EDIL3: variants seen among roughly 807,000 people sequenced by gnomAD.
EDIL3 encodes the protein EGF like and discoidin domains 3.
Under a neutral mutation model 67.4 loss-of-function variants are expected in EDIL3, and 37 were observed. The observed-to-expected ratio is 0.55, with a 90% CI of 0.42 to 0.72. The LOEUF (loss-of-function observed/expected upper bound fraction) is 0.72, where lower values mean the gene tolerates loss of function less well. Among genes scored for constraint, EDIL3 ranks in the 30% least tolerant of loss-of-function variants. The probability of loss-of-function intolerance (pLI) is 0.00; values close to 1 mark genes in which losing one functional copy is unlikely to be tolerated. For missense variants in EDIL3, 527 were observed against 586.3 expected, an observed-to-expected ratio of 0.90 and a Z score of 1.04; for synonymous variants, 195 against 196.3, an observed-to-expected ratio of 0.99 and a Z score of 0.05.
intron 5 of EDIL3, among the ~76,000 whole-genome samples, chr5:84,133,652 T>C (rs1322073501): frequency 6.6e-6 from 1 of 151,376 alleles, no homozygotes; most frequent in Non-Finnish European, 1.5e-5. Flanking sequence ...ATAAATAAAA[T>C]GAACAAGGGA....
At chr5:84,242,075 A>T (rs2112059610) in intron 2 of EDIL3, among the ~76,000 whole-genome samples, 1 of 151,106 alleles carries the variant, frequency 6.6e-6, no homozygotes, top group Non-Finnish European at 1.5e-5. Flanking sequence ...AAAAAAAAAA[A>T]AAAAAAATTA....
At chr5:84,075,857 C>T (rs1383585009) in intron 6 of EDIL3, among the ~76,000 whole-genome samples, 1 of 150,138 alleles carries the variant, frequency 6.7e-6, no homozygotes, top group Non-Finnish European at 1.5e-5. Flanking sequence ...TTATCAAAAG[C>T]CCCAAAGTAC....
chr5:84,086,823 G>C (rs1747080855), intron 6 of EDIL3, among the ~76,000 whole-genome samples: 1 of 152,134 alleles, frequency 6.6e-6, no homozygotes, highest in Admixed American at 6.5e-5. Flanking sequence ...CGCAGAAGGT[G>C]CTGATAAATC....
chr5:84,029,237 A>G (rs1745873971), intron 9 of EDIL3, among the ~76,000 whole-genome samples: 1 of 152,164 alleles, frequency 6.6e-6, no homozygotes, highest in Admixed American at 6.6e-5. Flanking sequence ...CCTGGGGGAC[A>G]GAGGGATACT....
At chr5:83,971,227 C>T (rs921112398) in intron 9 of EDIL3, among the ~76,000 whole-genome samples, 1 of 150,246 alleles carries the variant, frequency 6.7e-6, no homozygotes, top group Non-Finnish European at 1.5e-5. Flanking sequence ...ATTAATCTTA[C>T]CTTCTCTATT....
intron 1 of EDIL3, among the ~76,000 whole-genome samples, chr5:84,283,745 C>T (rs1745751136): frequency 1.3e-5 from 2 of 152,110 alleles, no homozygotes; most frequent in Non-Finnish European, 1.5e-5. Context: ...GCATATATTC[C>T]TAGTTTTCTT....
At position 84,092,673 on chromosome 5, in the gene EDIL3, A is replaced by G. The variant is rs140516883; in HGVS notation, c.651+13976T>C. 1.1e-4 allele frequency among the ~76,000 whole-genome samples: 16 copies of G among 152,344 alleles called. No homozygotes were observed. In the East Asian group the frequency reaches 3.1e-3, roughly 29 times the overall value. ...TTCTAAAATAAGTTAATCTTGGAGA[A>G]GATAATTTTACATTAACAATATTAC... On this transcript the variant is annotated intron_variant, in intron 6 of 10. Coordinates refer to ENST00000296591, the MANE Select transcript of EDIL3 (RefSeq NM_005711.5).
chr5:84,332,330 C>T (rs1020560682), intron 1 of EDIL3, among the ~76,000 whole-genome samples: 1 of 152,120 alleles, frequency 6.6e-6, no homozygotes, highest in Non-Finnish European at 1.5e-5. Context: ...TATGATAGTG[C>T]CACTGCACTC....
intron 3 of EDIL3, among the ~76,000 whole-genome samples, chr5:84,219,719 CA>C (rs35986234): frequency 0.32 from 49,331 of 151,922 alleles, 8,286 homozygotes; most frequent in East Asian, 0.46. Flanking sequence ...ACTAAGTGTT[CA>C]TCTACAGATG....
intron 1 of EDIL3, among the ~76,000 whole-genome samples, chr5:84,300,546 G>T (rs1580063868): frequency 6.6e-6 from 1 of 152,204 alleles, no homozygotes. Context: ...AACAACACTG[G>T]ATATGTTATA....
chr5:84,347,442 G>A (rs2112184662), intron 1 of EDIL3, among the ~76,000 whole-genome samples: 1 of 152,236 alleles, frequency 6.6e-6, no homozygotes, highest in East Asian at 1.9e-4. Context: ...ATAATGCTTT[G>A]TGCTCACATC....
At chr5:84,273,135 G>C (rs1374434084) in intron 1 of EDIL3, among the ~76,000 whole-genome samples, 8 of 152,100 alleles carry the variant, frequency 5.3e-5, no homozygotes, top group African/African-American at 1.9e-4. Context: ...AGAAGTCAGG[G>C]AGTAATAAGC....
rs1748111103 is a variant in EDIL3 at position 84,137,295 on chromosome 5, C to T, written c.415G>A (p.Ala139Thr). Reference protein sequence around the residue: ...KNGGICTDLVANYSCECPGEF... With the variant: ...KNGGICTDLVTNYSCECPGEF... ...CCTGGGCACTCACAGGAATAGTTAG[C>T]AACAAGATCTGTACATATTCCACCA... The change falls in exon 5 of 11, where the codon GCT (alanine) becomes ACT (threonine). Residue 139 changes from alanine to threonine, a missense_variant. Coordinates refer to ENST00000296591, the MANE Select transcript of EDIL3 (RefSeq NM_005711.5). 6.2e-7 allele frequency: 1 copy of T among 1,613,328 alleles called. No individual in the cohort carries two copies. The highest frequency in any genetic ancestry group is 1.7e-5 in the Admixed American group (1 of 59,908).
At chr5:84,151,297 C>CACACACACACA (rs1473984873) in intron 4 of EDIL3, among the ~76,000 whole-genome samples, 3 of 144,786 alleles carry the variant, frequency 2.1e-5, no homozygotes, top group Admixed American at 6.9e-5. Context: ...ACACACACAC[C>CACACACACACA]CCGACACTCC....
At chr5:84,237,362 G>T (rs369585689) in intron 2 of EDIL3, among the ~76,000 whole-genome samples, 4 of 152,176 alleles carry the variant, frequency 2.6e-5, no homozygotes, top group Admixed American at 1.3e-4. Flanking sequence ...AAATGTTAAT[G>T]CTGGACAAGA....
At chr5:84,165,516 G>T (rs922322809) in intron 4 of EDIL3, among the ~76,000 whole-genome samples, 2 of 152,088 alleles carry the variant, frequency 1.3e-5, no homozygotes, top group Non-Finnish European at 2.9e-5. Flanking sequence ...GCTCTTGAAG[G>T]ATTCACTGCC....
rs1316145197 is a variant in EDIL3 at position 83,985,879 on chromosome 5, T to C, written c.1138-22519A>G. On this transcript the variant is annotated intron_variant, in intron 9 of 10. Coordinates refer to ENST00000296591, the MANE Select transcript of EDIL3 (RefSeq NM_005711.5). ...TCATAGTTGTGTGAATAGGTTTGTA[T>C]TGTTATTTCATATATCAAGTTCCAA... Among the ~76,000 whole-genome samples, 5 of 152,212 alleles carry C rather than the reference T, an allele frequency of 3.3e-5. No homozygotes were observed. In the East Asian group the frequency reaches 9.7e-4, roughly 29 times the overall value.
intron 3 of EDIL3, among the ~76,000 whole-genome samples, chr5:84,227,694 T>C (rs1373412443): frequency 1.1e-4 from 17 of 152,070 alleles, no homozygotes; most frequent in African/African-American, 4.1e-4. Flanking sequence ...TAATGGTGGA[T>C]TGGATAAAGA....
chr5:84,260,612 C>T (rs1745208437), intron 1 of EDIL3, among the ~76,000 whole-genome samples: 1 of 152,038 alleles, frequency 6.6e-6, no homozygotes. Context: ...ACATGTTGAA[C>T]TCTTTCTTAC....
Sources: allele counts gnomAD v4.1 joint callset (sites outside exome capture counted in the v4.1 genomes callset), GRCh38; gene constraint gnomAD v4.1.1; transcripts MANE v1.5; gene names NCBI Gene and HGNC (gene_info 2026-07-23, HGNC 2026-07-21).